PFAS: variants seen among roughly 807,000 people sequenced by gnomAD.
PFAS encodes FGAM synthase.
PFAS carries 97 observed loss-of-function variants against 140.6 expected under a neutral mutation model. The ratio of observed to expected loss-of-function variants is 0.69; its 90% CI spans 0.59 to 0.82. The LOEUF is 0.82. PFAS is among the 40% of genes least tolerant of loss of function. The pLI, the probability that PFAS is intolerant of heterozygous loss-of-function variation, is 0.00. For missense variants in PFAS, 1,656 were observed against 1,780.2 expected (o/e 0.93, Z 1.26); for synonymous variants, 679 against 718.8 (o/e 0.94, Z 0.88).
chr17:8,262,988 G>C lies in PFAS; in HGVS notation c.1405G>C (p.Val469Leu), dbSNP rs1331480934. The change falls in exon 12 of 28, where the codon GTG (valine) becomes CTG (leucine). Residue 469 changes from valine to leucine, a missense_variant. Around this residue, in one of 2 missense-constraint regions of PFAS, gnomAD observed 773 missense variants for 757.3 expected, o/e 1.02. Transcript: ENST00000314666. ...AGTTGGAGGTGGAGCTGCTTCATCT[G>C]TGCAGGTGAGTGGGAATTGCTAAAG... ...IGVGGGAASS[V>L]QVQGDNTSDL... 1 of 1,613,798 alleles carries C rather than the reference G, an allele frequency of 6.2e-7. No homozygotes were observed. Among genetic ancestry groups the C allele is most frequent in the Non-Finnish European group, 8.5e-7 (1 of 1,179,684 alleles).
intron 3 of PFAS, 138 bp downstream of exon 3, chr17:8,254,439 G>A: frequency 2.1e-6 from 2 of 955,216 alleles, no homozygotes; most frequent in Non-Finnish European, 3.2e-6. Flanking sequence ...CATTTGGGTA[G>A]ATCCCTCCAA....
upstream of PFAS, chr17:8,248,156 C>A: frequency 1.0e-5 from 8 of 763,282 alleles, no homozygotes; most frequent in South Asian, 1.2e-4. Context: ...CCAGCTCCTT[C>A]TCGCTGCTCA....
At chr17:8,256,794 T>C in intron 8 of PFAS, 41 bp from the exon 9 acceptor site, 1 of 1,563,350 alleles carries the variant, frequency 6.4e-7, no homozygotes, top group Non-Finnish European at 8.6e-7. Flanking sequence ...TGGGGGTTTG[T>C]CTCTGAGGCA....
Position 8,258,054 on chromosome 17 carries a change from T to C in PFAS, c.1208-17T>C, listed in dbSNP as rs763365782. ...GGGGGAACTGAGTGACAGGTCCCTC[T>C]GATGTTCACACTCCAGGCTTCGCCC... is the stretch of plus-strand genomic sequence containing the variant. On this transcript the variant is annotated splice_polypyrimidine_tract_variant and intron_variant, in intron 10 of 27. Coordinates refer to ENST00000314666, the MANE Select transcript of PFAS (RefSeq NM_012393.3). The C allele has an allele frequency of 2.5e-6, 4 of 1,614,102 alleles. No individual in the cohort carries two copies. Among genetic ancestry groups the C allele is most frequent in the Non-Finnish European group, 3.4e-6 (4 of 1,179,990 alleles).
chr17:8,263,633 C>CCCA lies in PFAS; in HGVS notation c.1627_1628insCAC (p.Phe542_Gln543insPro), dbSNP rs754187177. On this transcript the variant is annotated inframe_insertion, in exon 14 of 28. Coordinates refer to ENST00000314666, the MANE Select transcript of PFAS (RefSeq NM_012393.3). The stretch of plus-strand genomic sequence containing the variant: ...GAGCCATCATTTACACCAGCCGCTT[C>CCCA]CAGGTGGGTCTCGTCCCCTGAAGTG... 4 of 1,613,768 alleles carry CCCA rather than the reference C, an allele frequency of 2.5e-6. No individual in the cohort carries two copies. In the East Asian group the frequency reaches 8.9e-5, roughly 36 times the overall value.
In PFAS at chr17:8,268,987, C is replaced by G; in HGVS notation, c.3740C>G (p.Ala1247Gly). 2.5e-6 allele frequency: 4 copies of G among 1,614,222 alleles called. No individual in the cohort carries two copies. Among genetic ancestry groups the G allele is most frequent in the Non-Finnish European group, 3.4e-6 (4 of 1,180,026 alleles). ...YVAFSSPELQ[A>G]QIEARGLAPL... The stretch of plus-strand genomic sequence containing the variant: ...GCATTTTCTTCTCCGGAACTCCAAG[C>G]TCAGATTGAGGCCAGGGGCTTGGCT... Residue 1247 changes from alanine to glycine, a missense_variant, in exon 28 of 28, where the codon GCT (alanine) becomes GGT (glycine). Physicochemically the swap from Ala to Gly is moderately conservative, Grantham distance 60 (BLOSUM62 0). Around this residue, in one of 2 missense-constraint regions of PFAS, gnomAD observed 883 missense variants for 1,023.0 expected, o/e 0.86. Transcript: ENST00000314666.
chr17:8,266,233 G>T lies in PFAS; in HGVS notation c.2702-1G>T. ...GCTGAGCTTTCTTCTCCTTCCTCCA[G>T]ACCGCCTCCTCTGCTCAGGCCACGA... On this transcript the variant is annotated splice_acceptor_variant, in intron 21 of 27. Coordinates refer to ENST00000314666, the MANE Select transcript of PFAS (RefSeq NM_012393.3). LOFTEE classifies it high-confidence loss of function. The surrounding 1 kb of genome is among the most constrained non-coding windows in gnomAD (Gnocchi z 5.0). 2 of 1,613,894 alleles carry T rather than the reference G, an allele frequency of 1.2e-6. No individual in the cohort carries two copies. The highest frequency in any genetic ancestry group is 2.2e-5 in the South Asian group (2 of 91,030).
At chr17:8,248,949 G>A (rs1382819867), upstream of PFAS, among the ~76,000 whole-genome samples, 1 of 152,308 alleles carries the variant, frequency 6.6e-6, no homozygotes, top group East Asian at 1.9e-4. Context: ...AACACAGCCC[G>A]CCTGGTGGAT....
In PFAS at chr17:8,254,215, T is replaced by C. The variant is rs1244284181; in HGVS notation, c.192T>C (p.Phe64=). 4 of 1,614,184 alleles carry C rather than the reference T, an allele frequency of 2.5e-6. No individual in the cohort carries two copies. The East Asian group carries it at 8.9e-5, about 36-fold the overall frequency. ...AGACAAAGAAGCTGATGTGGCTGTT[T>C]GGTTGCCCCTTACTGCTGGATGATG... ...AEETKKLMWL[F]GCPLLLDDVA... The change falls in exon 3 of 28, where the codon TTT becomes TTC. Residue 64 remains phenylalanine, a synonymous_variant. Transcript: ENST00000314666.
chr17:8,248,326 C>T (rs1379184268), upstream of PFAS, among the ~76,000 whole-genome samples: 2 of 150,054 alleles, frequency 1.3e-5, no homozygotes, highest in African/African-American at 2.5e-5. Flanking sequence ...CTGCAACCCC[C>T]GCCTCCCAGG....
chr17:8,262,867 G>A (rs1404050052), intron 11 of PFAS, 53 bp from the exon 12 acceptor site: 4 of 1,397,560 alleles, frequency 2.9e-6, no homozygotes, highest in Non-Finnish European at 3.1e-6. Context: ...TTGCTTTCGA[G>A]GCCTCTTCTC....
chr17:8,263,796 G>A lies in PFAS; in HGVS notation c.1651G>A (p.Ala551Thr). 1 of 1,614,014 alleles carries A rather than the reference G, an allele frequency of 6.2e-7. No homozygotes were observed. The highest frequency in any genetic ancestry group is 1.1e-5 in the South Asian group (1 of 91,072). ...RFQLGDPTLN[A>T]LEIWGAEYQE... is the part of the protein sequence containing the mutation. ...GCAGCTTGGGGACCCAACCCTGAAT[G>A]CCCTGGAAATCTGGGGGGCTGAGTA... The change falls in exon 15 of 28, where the codon GCC becomes ACC. Residue 551 changes from alanine to threonine, a missense_variant. Transcript: ENST00000314666.
Position 8,270,297 on chromosome 17 carries a change from C to G in PFAS, c.*1033C>G, listed in dbSNP as rs985730909. On this transcript the variant is annotated 3_prime_UTR_variant, in exon 28 of 28. Transcript: ENST00000314666. ...GACTGTTGTTGATTAGTTATTATTG[C>G]AAAGCACTGTCACCGGCCTCAGGGA... The G allele has an allele frequency of 2.6e-5, 4 of 152,248 alleles. No individual in the cohort carries two copies. In the East Asian group the frequency reaches 7.7e-4, roughly 29 times the overall value. The allele number at this position is 152,248 out of a possible 1,614,324, so 9.4% of individuals were successfully genotyped here. A position where few individuals can be genotyped will look rare whatever the true frequency, so the allele number is the denominator to read the frequency against.
In PFAS at chr17:8,266,579, A is replaced by G. The variant is rs960010336; in HGVS notation, c.2822-174A>G. 2.1e-6 allele frequency: 3 copies of G among 1,458,168 alleles called. No homozygotes were observed. Among genetic ancestry groups the G allele is most frequent in the Middle Eastern group, 2.5e-4 (1 of 3,986 alleles). 90.3% of individuals were successfully genotyped at this position (1,458,168 alleles called of 1,614,324 possible). On this transcript the variant is annotated intron_variant, in intron 22 of 27. Transcript: ENST00000314666. This position sits in a 1 kb window ranked among gnomAD's most constrained non-coding sequence, Gnocchi z 5.0. The stretch of plus-strand genomic sequence containing the variant: ...GAGACTTCCCATCCCTGAGATGTCC[A>G]TGATGAAACATCCTCAGTCCTGCCG...
chr17:8,254,105 G>A (rs1989263126), intron 2 of PFAS, 26 bp downstream of exon 2: 1 of 1,613,656 alleles, frequency 6.2e-7, no homozygotes, highest in South Asian at 1.1e-5. Context: ...TAGATTCTTG[G>A]GGGACATGCC....
At chr17:8,251,736 A>T (rs540640432) in intron 1 of PFAS, among the ~76,000 whole-genome samples, 1 of 144,524 alleles carries the variant, frequency 6.9e-6, no homozygotes, top group African/African-American at 2.6e-5. Context: ...CAATGGCTCA[A>T]TCTTGGCTCA....
In PFAS at chr17:8,257,818, C is replaced by T; in HGVS notation, c.1087C>T (p.Pro363Ser). Residue 363 changes from proline to serine, a missense_variant, in exon 10 of 28, where the codon CCC becomes TCC. By Grantham distance (74) the Pro-to-Ser change is moderately conservative. Coordinates refer to ENST00000314666, the MANE Select transcript of PFAS (RefSeq NM_012393.3). Reference sequence around the variant, plus strand: ...TCCTTCCCTCCCAGGTTACAATCTGCCCTGGGAGGATCCAAGCTTCCAGTA... The same window carrying T: ...TCCTTCCCTCCCAGGTTACAATCTGTCCTGGGAGGATCCAAGCTTCCAGTA... ...GNLHIPGYNL[P>S]WEDPSFQYPG... is the part of the protein sequence containing the mutation. 1 of 1,613,700 alleles carries T rather than the reference C, an allele frequency of 6.2e-7. No individual in the cohort carries two copies. The highest frequency in any genetic ancestry group is 1.1e-5 in the South Asian group (1 of 91,066).
Position 8,265,605 on chromosome 17 carries a change from T to A in PFAS, c.2511T>A (p.Thr837=). The change falls in exon 20 of 28, where the codon ACT becomes ACA. Residue 837 remains threonine (T), a synonymous_variant. Coordinates refer to ENST00000314666, the MANE Select transcript of PFAS (RefSeq NM_012393.3). ...AYAVCPDITA[T]VTPDLKHPEG... ...CCGTCTGCCCAGACATCACAGCCAC[T>A]GTGACCCCAGACCTCAAGCATCCTG... 1 of 1,614,136 alleles carries A rather than the reference T, an allele frequency of 6.2e-7. No homozygotes were observed. The highest frequency in any genetic ancestry group is 8.5e-7 in the Non-Finnish European group (1 of 1,179,990).
chr17:8,266,621 C>A lies in PFAS; in HGVS notation c.2822-132C>A. On this transcript the variant is annotated intron_variant, in intron 22 of 27. Coordinates refer to ENST00000314666, the MANE Select transcript of PFAS (RefSeq NM_012393.3). This position sits in a 1 kb window ranked among gnomAD's most constrained non-coding sequence, Gnocchi z 5.0. ...GTCCTGCCGTCCTAGCCCTCATCCT[C>A]CCTGATCCCTACCCTACTCTCTGGC... is the stretch of plus-strand genomic sequence containing the variant. The A allele has an allele frequency of 6.7e-7, 1 of 1,498,758 alleles. No individual in the cohort carries two copies. Among genetic ancestry groups the A allele is most frequent in the Non-Finnish European group, 8.8e-7 (1 of 1,131,678 alleles). The allele number at this position is 1,498,758 out of a possible 1,614,324, so 92.8% of individuals were successfully genotyped here.
Sources: allele counts gnomAD v4.1 joint callset (sites outside exome capture counted in the v4.1 genomes callset), GRCh38; gene constraint gnomAD v4.1.1; regional missense constraint gnomAD v4.1.1; non-coding constraint Gnocchi (gnomAD v3.1); transcripts MANE v1.5; gene names NCBI Gene and HGNC (gene_info 2026-07-23, HGNC 2026-07-21).